LRP1B: variants seen among roughly 807,000 people sequenced by gnomAD.
LRP1B encodes the protein low-density lipoprotein receptor-related protein 1B.
LRP1B carries 217 observed loss-of-function variants against 556.6 expected under a neutral mutation model. The observed-to-expected ratio is 0.39, with a 90% CI of 0.35 to 0.44. The LOEUF (loss-of-function observed/expected upper bound fraction) is 0.44, where lower values mean the gene tolerates loss of function less well. Ranked by LOEUF, LRP1B falls within the 20% of genes least tolerant of loss-of-function variation. The pLI, the probability that LRP1B is intolerant of heterozygous loss-of-function variation, is 1.00. For synonymous variants in LRP1B, 2,047 were observed against 1,865.8 expected (o/e 1.10, Z -2.50); for missense variants, 5,053 against 5,620.8 (o/e 0.90, Z 3.23).
chr2:140,328,818 C>CGT (rs1209065746), intron 79 of LRP1B, among the ~76,000 whole-genome samples: 2 of 151,456 alleles, frequency 1.3e-5, no homozygotes, highest in East Asian at 1.9e-4. Context: ...TTTTCATACA[C>CGT]ATACACACAC....
intron 2 of LRP1B, among the ~76,000 whole-genome samples, chr2:141,729,153 A>G (rs1198802878): frequency 6.6e-6 from 1 of 152,152 alleles, no homozygotes; most frequent in Non-Finnish European, 1.5e-5. Context: ...GAGCTGTGTT[A>G]AGACTGCCTC....
At chr2:141,989,151 A>C (rs1157045787) in intron 1 of LRP1B, among the ~76,000 whole-genome samples, 5 of 152,106 alleles carry the variant, frequency 3.3e-5, no homozygotes, top group Admixed American at 6.6e-5. Flanking sequence ...ACAACAACAA[A>C]AACAGAAAAC....
intron 2 of LRP1B, among the ~76,000 whole-genome samples, chr2:141,764,215 C>G (rs1694658148): frequency 6.6e-6 from 1 of 151,892 alleles, no homozygotes; most frequent in Non-Finnish European, 1.5e-5. Flanking sequence ...GAGTTTTGCT[C>G]TCACGCCCAG....
At chr2:141,480,922 G>C (rs112138076) in intron 2 of LRP1B, among the ~76,000 whole-genome samples, 1 of 152,000 alleles carries the variant, frequency 6.6e-6, no homozygotes, top group Non-Finnish European at 1.5e-5. Flanking sequence ...ATGGTTCTCC[G>C]CAGATCTCTT....
At chr2:141,859,293 A>G (rs1343434793) in intron 1 of LRP1B, among the ~76,000 whole-genome samples, 3 of 152,164 alleles carry the variant, frequency 2.0e-5, no homozygotes, top group Admixed American at 2.0e-4. Context: ...GGAAATAGTA[A>G]CGTCAGCATC....
chr2:141,745,909 C>A (rs1693899795), intron 2 of LRP1B, among the ~76,000 whole-genome samples: 1 of 151,888 alleles, frequency 6.6e-6, no homozygotes, highest in South Asian at 2.1e-4. Context: ...ACGTATTCCG[C>A]AAGGACTGGG....
intron 27 of LRP1B, among the ~76,000 whole-genome samples, chr2:140,862,228 G>T (rs1185567822): frequency 6.6e-6 from 1 of 152,010 alleles, no homozygotes; most frequent in Non-Finnish European, 1.5e-5. Flanking sequence ...TGGCCTAAAG[G>T]CTAATACTGG....
chr2:142,121,578 T>C (rs1707457522), intron 1 of LRP1B, among the ~76,000 whole-genome samples: 2 of 152,284 alleles, frequency 1.3e-5, no homozygotes, highest in East Asian at 1.9e-4. Flanking sequence ...CGTCACTTAG[T>C]TTTACCAAAT....
Position 141,867,303 on chromosome 2 carries a change from T to C in LRP1B, c.83-56902A>G, listed in dbSNP as rs542671621. ...TGATGGGTCTATCTAGGGTGCTCAGTCAGGGTAACTTCTAGTTTCAAAAAG... is the reference window on the plus strand; with the variant it reads ...TGATGGGTCTATCTAGGGTGCTCAGCCAGGGTAACTTCTAGTTTCAAAAAG... On this transcript the variant is annotated intron_variant, in intron 1 of 90. Transcript: ENST00000389484. Among the ~76,000 whole-genome samples the C allele has an allele frequency of 2.0e-5, 3 of 152,160 alleles. No individual in the cohort carries two copies. The East Asian group carries it at 5.8e-4, about 29-fold the overall frequency.
Position 140,776,252 on chromosome 2 carries a change from A to C in LRP1B, c.5360-14T>G, listed in dbSNP as rs749041585. 1.9e-6 allele frequency: 3 copies of C among 1,557,652 alleles called. No individual in the cohort carries two copies. The highest frequency in any genetic ancestry group is 2.6e-6 in the Non-Finnish European group (3 of 1,152,258). Reference sequence around the variant, plus strand: ...ACAGTTTCTTATCTAGAAAAAGGAAAGATATTTTTTAAAGGAAAGTATAAT... The same window carrying C: ...ACAGTTTCTTATCTAGAAAAAGGAACGATATTTTTTAAAGGAAAGTATAAT... On this transcript the variant is annotated splice_polypyrimidine_tract_variant and intron_variant, in intron 32 of 90. Coordinates refer to ENST00000389484, the MANE Select transcript of LRP1B (RefSeq NM_018557.3).
At chr2:140,819,058 C>T (rs6708225) in intron 31 of LRP1B, among the ~76,000 whole-genome samples, 109,871 of 151,994 alleles carry the variant, frequency 0.72, 42,375 homozygotes, top group Non-Finnish European at 0.86. Context: ...AGCCTTCAGT[C>T]GCCTTGTCTA....
chr2:141,308,407 C>G (rs761385784), intron 3 of LRP1B, among the ~76,000 whole-genome samples: 1 of 152,114 alleles, frequency 6.6e-6, no homozygotes, highest in African/African-American at 2.4e-5. Context: ...TTCTTACAAA[C>G]AAGTCATTTC....
chr2:141,504,539 A>G (rs1397256504), intron 2 of LRP1B, among the ~76,000 whole-genome samples: 1 of 152,156 alleles, frequency 6.6e-6, no homozygotes. Flanking sequence ...ACCTATAATA[A>G]GTTTAAGTCA....
At chr2:140,972,472 T>G (rs977109587) in intron 18 of LRP1B, among the ~76,000 whole-genome samples, 4 of 152,138 alleles carry the variant, frequency 2.6e-5, no homozygotes, top group African/African-American at 9.7e-5. Flanking sequence ...AGTGTCTAAT[T>G]GCTAAAATAT....
intron 41 of LRP1B, among the ~76,000 whole-genome samples, chr2:140,665,709 C>A (rs535595357): frequency 2.7e-4 from 41 of 152,214 alleles, no homozygotes; most frequent in African/African-American, 9.9e-4. Context: ...TACATGATGG[C>A]ATATTCCCTG....
intron 21 of LRP1B, among the ~76,000 whole-genome samples, chr2:140,916,553 A>G (rs774918595): frequency 6.6e-6 from 1 of 152,200 alleles, no homozygotes; most frequent in Non-Finnish European, 1.5e-5. Flanking sequence ...TTCTGCTAAA[A>G]GATCACTTGT....
chr2:141,819,516 G>A (rs1177862889), intron 1 of LRP1B, among the ~76,000 whole-genome samples: 1 of 152,114 alleles, frequency 6.6e-6, no homozygotes, highest in Non-Finnish European at 1.5e-5. Flanking sequence ...AACATCGCAT[G>A]TTCTCATTCA....
At chr2:140,272,217 A>C (rs1241356086) in intron 85 of LRP1B, among the ~76,000 whole-genome samples, 1 of 150,868 alleles carries the variant, frequency 6.6e-6, no homozygotes, top group Non-Finnish European at 1.5e-5. Context: ...AAATTTTCAT[A>C]ATTTTCTTTT....
chr2:141,450,583 A>T (rs7567489), intron 3 of LRP1B, among the ~76,000 whole-genome samples: 142,706 of 150,580 alleles, frequency 0.95, 67,993 homozygotes, highest in Non-Finnish European at 1. Context: ...TTTAAAAAAA[A>T]ATATATATAT....
Sources: gnomAD v4.1 joint callset for allele counts (sites outside exome capture counted in the v4.1 genomes callset) on GRCh38, gnomAD v4.1.1 for gene constraint, MANE v1.5 for transcripts, NCBI Gene and HGNC (gene_info 2026-07-23, HGNC 2026-07-21) for gene names.